The following FBXO41 variants were observed in gnomAD, a reference collection of about 807,000 sequenced individuals.
FBXO41 encodes the protein F-box only protein 41.
In FBXO41, 33 loss-of-function variants were observed where a neutral mutation model predicts 81.6. The ratio of observed to expected loss-of-function variants is 0.40; its 90% CI spans 0.31 to 0.54. The LOEUF (loss-of-function observed/expected upper bound fraction) is 0.54. Ranked by LOEUF, FBXO41 falls within the 20% of genes least tolerant of loss-of-function variation. FBXO41 has a pLI of 0.39. For missense variants in FBXO41, 1,107 were observed against 1,236.0 expected (o/e 0.90, Z 1.56); for synonymous variants, 576 against 552.7 (o/e 1.04, Z -0.59).
chr2:73,272,987 T>C (rs896394823), intron 1 of FBXO41: 2 of 152,188 alleles, frequency 1.3e-5, no homozygotes, highest in African/African-American at 2.4e-5. Flanking sequence ...AGCAGTGAGA[T>C]TGGTGTACCA....
intron 1 of FBXO41, among the ~76,000 whole-genome samples, chr2:73,283,391 G>C (rs1303783454): frequency 1.3e-5 from 2 of 152,146 alleles, no homozygotes; most frequent in Admixed American, 1.3e-4. Flanking sequence ...TCTGTTCTAA[G>C]CCCTGCCTTA....
intron 1 of FBXO41, among the ~76,000 whole-genome samples, chr2:73,278,481 G>T (rs1401412310): frequency 6.6e-6 from 1 of 152,154 alleles, no homozygotes; most frequent in East Asian, 1.9e-4. Context: ...TACCTACCCT[G>T]TGCCATGAGC....
Position 73,260,566 on chromosome 2 carries a change from G to A in FBXO41, c.2291-19C>T, listed in dbSNP as rs1403464251. The A allele has an allele frequency of 1.3e-6, 2 of 1,574,292 alleles. No individual in the cohort carries two copies. Among genetic ancestry groups the A allele is most frequent in the Non-Finnish European group, 8.6e-7 (1 of 1,160,554 alleles). On this transcript the variant is annotated intron_variant, in intron 10 of 12. Transcript: ENST00000520530. The surrounding 1 kb of genome is among the most constrained non-coding windows in gnomAD (Gnocchi z 5.0). ...TTTCTCGCTAGGAAGAGGAAGAAGG[G>A]GGATCCTGCTGACACACTCCCCAGG...
chr2:73,261,005 A>C, intron 9 of FBXO41, 147 bp from the exon 10 acceptor site: 4 of 609,196 alleles, frequency 6.6e-6, no homozygotes, highest in East Asian at 2.9e-5. Context: ...ATCATCCCTG[A>C]CTCCTCTGCC....
rs1688401588 is a variant in FBXO41, at chr2:73,269,259, G to A, written c.372C>T (p.Pro124=). The A allele has an allele frequency of 1.3e-6, 2 of 1,530,936 alleles. No homozygotes were observed. Among genetic ancestry groups the A allele is most frequent in the African/African-American group, 1.4e-5 (1 of 70,038 alleles). The allele number at this position is 1,530,936 out of a possible 1,614,324, so 94.8% of individuals were successfully genotyped here. ...PLAHFPGDLV[P]ASLPCEELAE... ...CCAACTCCTCACAGGGCAGGCTAGC[G>A]GGCACCAGGTCGCCGGGGAAGTGGG... Residue 124 remains proline (P), a synonymous_variant, in exon 2 of 13, where the codon CCC becomes CCT. Transcript: ENST00000520530. The surrounding 1 kb of genome is among the most constrained non-coding windows in gnomAD (Gnocchi z 7.0).
At chr2:73,261,951 G>A (rs550530542) in intron 9 of FBXO41, among the ~76,000 whole-genome samples, 21 of 150,014 alleles carry the variant, frequency 1.4e-4, no homozygotes, top group Non-Finnish European at 2.5e-4. Context: ...GGCTGGGCGC[G>A]GTGGCTTATG....
intron 2 of FBXO41, among the ~76,000 whole-genome samples, chr2:73,267,789 T>G (rs560362787): frequency 6.6e-6 from 1 of 152,332 alleles, no homozygotes; most frequent in East Asian, 1.9e-4. Context: ...AGCCTACAGT[T>G]GGACAAAGTC....
rs753074483 is a variant in FBXO41, at chr2:73,266,618, G to T, written c.970C>A (p.Arg324=). 2 of 1,609,644 alleles carry T rather than the reference G, an allele frequency of 1.2e-6. No homozygotes were observed. The highest frequency in any genetic ancestry group is 8.5e-7 in the Non-Finnish European group (1 of 1,178,266). The change falls in exon 3 of 13, where the codon CGG becomes AGG. Residue 324 remains arginine, a synonymous_variant. Coordinates refer to ENST00000520530, the MANE Select transcript of FBXO41 (RefSeq NM_001371389.2). The surrounding 1 kb of genome is among the most constrained non-coding windows in gnomAD (Gnocchi z 5.3). ...TAAREASAKL[R]LQQFIEELLE... ...AGCTCCTCAATGAACTGCTGCAGCCGCAGCTTGGCGCTGGCCTCCCGCGCC... is the reference window on the plus strand; with the variant it reads ...AGCTCCTCAATGAACTGCTGCAGCCTCAGCTTGGCGCTGGCCTCCCGCGCC...
chr2:73,269,287 A>G lies in FBXO41; in HGVS notation c.344T>C (p.Leu115Pro). 2.0e-6 allele frequency: 3 copies of G among 1,530,380 alleles called. No individual in the cohort carries two copies. The highest frequency in any genetic ancestry group is 1.4e-5 in the African/African-American group (1 of 69,794). 94.8% of individuals were successfully genotyped at this position (1,530,380 alleles called of 1,614,324 possible). A position where few individuals can be genotyped will look rare whatever the true frequency, so the allele number is the denominator to read the frequency against. ...CACCAGGTCGCCGGGGAAGTGGGCGAGGGGAGCGTGGTGATGGTGGTGGTG... is the reference window on the plus strand; with the variant it reads ...CACCAGGTCGCCGGGGAAGTGGGCGGGGGGAGCGTGGTGATGGTGGTGGTG... Reference protein sequence around the residue: ...LLHHHHHHAPLAHFPGDLVPA... With the variant: ...LLHHHHHHAPPAHFPGDLVPA... Residue 115 changes from leucine (L) to proline (P), a missense_variant, in exon 2 of 13, where the codon CTC (leucine) becomes CCC (proline). Transcript: ENST00000520530. The surrounding 1 kb of genome is among the most constrained non-coding windows in gnomAD (Gnocchi z 7.0).
chr2:73,260,775 C>A lies in FBXO41; in HGVS notation c.2255G>T (p.Gly752Val). 1 of 1,560,578 alleles carries A rather than the reference C, an allele frequency of 6.4e-7. No individual in the cohort carries two copies. The highest frequency in any genetic ancestry group is 1.9e-5 in the Admixed American group (1 of 52,218). ...WPHLRALGVG[G>V]AGCGVQGLAS... ...CAGGCCCTGCACCCCACAGCCGGCA[C>A]CCCCGACCCCCAGGGCCCGCAGGTG... Residue 752 changes from glycine to valine, a missense_variant, in exon 10 of 13, where the codon GGT becomes GTT. This residue lies in a region of FBXO41 where 336 missense variants were observed against 446.7 expected (regional missense o/e 0.75). Transcript: ENST00000520530. The surrounding 1 kb of genome is among the most constrained non-coding windows in gnomAD (Gnocchi z 5.0).
At chr2:73,275,778 GA>G (rs920053201) in intron 1 of FBXO41, among the ~76,000 whole-genome samples, 1 of 151,662 alleles carries the variant, frequency 6.6e-6, no homozygotes, top group African/African-American at 2.4e-5. Flanking sequence ...GTATATGTGA[GA>G]CAAGCCTTAA....
chr2:73,269,976 A>AG lies in FBXO41; in HGVS notation c.-138-209dup, dbSNP rs1028018801. On this transcript the variant is annotated intron_variant, in intron 1 of 12. Transcript: ENST00000520530. This position sits in a 1 kb window ranked among gnomAD's most constrained non-coding sequence, Gnocchi z 7.0. ...AGAGAATGAGATAATCTGTTTTTAA[A>AG]GGGGCAGGCGCGTAATCACTTTTAT... Among the ~76,000 whole-genome samples, 20 of 152,310 alleles carry AG rather than the reference A, an allele frequency of 1.3e-4. No individual in the cohort carries two copies. The highest frequency in any genetic ancestry group is 4.6e-4 in the African/African-American group (19 of 41,566).
At chr2:73,279,758 T>C (rs1688794832) in intron 1 of FBXO41, among the ~76,000 whole-genome samples, 1 of 152,138 alleles carries the variant, frequency 6.6e-6, no homozygotes, top group African/African-American at 2.4e-5. Flanking sequence ...GGAGGCAGCA[T>C]GGGAGAATCC....
In FBXO41 at chr2:73,259,161, C is replaced by G. The variant is rs779934544; in HGVS notation, c.2565+20G>C. 4 of 1,613,594 alleles carry G rather than the reference C, an allele frequency of 2.5e-6. No individual in the cohort carries two copies. The highest frequency in any genetic ancestry group is 3.4e-6 in the Non-Finnish European group (4 of 1,179,608). ...GGATGCCACTTGGGGTCTTGGACAG[C>G]CTCAGAGCTGACCCCTCACCTGGAG... is the stretch of plus-strand genomic sequence containing the variant. On this transcript the variant is annotated intron_variant, in intron 12 of 12. Coordinates refer to ENST00000520530, the MANE Select transcript of FBXO41 (RefSeq NM_001371389.2). This position sits in a 1 kb window ranked among gnomAD's most constrained non-coding sequence, Gnocchi z 4.2.
At chr2:73,279,344 C>T (rs1198744257) in intron 1 of FBXO41, among the ~76,000 whole-genome samples, 2 of 152,064 alleles carry the variant, frequency 1.3e-5, no homozygotes, top group Admixed American at 6.5e-5. Flanking sequence ...ATATTCAGTA[C>T]ATGAATTGCA....
At position 73,259,977 on chromosome 2, in the gene FBXO41, AG is replaced by A. The variant is rs1687948201; in HGVS notation, c.2449+411del. 6.6e-6 allele frequency among the ~76,000 whole-genome samples: 1 copy of A among 151,978 alleles called. No homozygotes were observed. Among genetic ancestry groups the A allele is most frequent in the Non-Finnish European group, 1.5e-5 (1 of 67,968 alleles). On this transcript the variant is annotated intron_variant, in intron 11 of 12. Coordinates refer to ENST00000520530, the MANE Select transcript of FBXO41 (RefSeq NM_001371389.2). This position sits in a 1 kb window ranked among gnomAD's most constrained non-coding sequence, Gnocchi z 4.2. ...GCCAGGTCCTCAGTGCAGGTGGAGT[AG>A]TGACTGAGAGTGGAGTGGGTGGTTT...
chr2:73,260,288 A>G lies in FBXO41; in HGVS notation c.2449+101T>C. On this transcript the variant is annotated intron_variant, in intron 11 of 12. Coordinates refer to ENST00000520530, the MANE Select transcript of FBXO41 (RefSeq NM_001371389.2). This position sits in a 1 kb window ranked among gnomAD's most constrained non-coding sequence, Gnocchi z 5.0. ...TCCCCCTGCCTCTGCCCTTGGCTGG[A>G]GACTCTGATCCATCTGCCCCAGTGA... 3 of 1,447,970 alleles carry G rather than the reference A, an allele frequency of 2.1e-6. No individual in the cohort carries two copies. Among genetic ancestry groups the G allele is most frequent in the Non-Finnish European group, 2.8e-6 (3 of 1,070,950 alleles). The allele number at this position is 1,447,970 out of a possible 1,614,324, so 89.7% of individuals were successfully genotyped here.
chr2:73,260,282 G>A lies in FBXO41; in HGVS notation c.2449+107C>T. The A allele has an allele frequency of 7.0e-7, 1 of 1,423,964 alleles. No individual in the cohort carries two copies. Among genetic ancestry groups the A allele is most frequent in the Non-Finnish European group, 9.5e-7 (1 of 1,051,650 alleles). 88.2% of individuals were successfully genotyped at this position (1,423,964 alleles called of 1,614,324 possible). ...AACCTGTCCCCCTGCCTCTGCCCTT[G>A]GCTGGAGACTCTGATCCATCTGCCC... On this transcript the variant is annotated intron_variant, in intron 11 of 12. Transcript: ENST00000520530. The surrounding 1 kb of genome is among the most constrained non-coding windows in gnomAD (Gnocchi z 5.0).
Position 73,268,721 on chromosome 2 carries a change from C to A in FBXO41, c.905+5G>T. On this transcript the variant is annotated splice_donor_5th_base_variant and intron_variant, in intron 2 of 12. Transcript: ENST00000520530. ...CCACTCACAGGGCCCCGAGGGTCTA[C>A]TCACTGCTGCTTGCGGCTCAGCTCC... is the stretch of plus-strand genomic sequence containing the variant. 6.5e-7 allele frequency: 1 copy of A among 1,530,160 alleles called. No individual in the cohort carries two copies. Among genetic ancestry groups the A allele is most frequent in the Non-Finnish European group, 8.8e-7 (1 of 1,133,424 alleles). 94.8% of individuals were successfully genotyped at this position (1,530,160 alleles called of 1,614,324 possible). A position where few individuals can be genotyped will look rare whatever the true frequency, so the allele number is the denominator to read the frequency against.
Sources: gnomAD v4.1 joint callset for allele counts (sites outside exome capture counted in the v4.1 genomes callset) on GRCh38, gnomAD v4.1.1 for gene constraint, gnomAD v4.1.1 regional missense constraint, Gnocchi (gnomAD v3.1) non-coding constraint, MANE v1.5 for transcripts, NCBI Gene and HGNC (gene_info 2026-07-23, HGNC 2026-07-21) for gene names.